CACNA1B: variants seen among roughly 807,000 people sequenced by gnomAD.
CACNA1B encodes the protein calcium voltage-gated channel subunit alpha1 B, also known as voltage-dependent N-type calcium channel subunit alpha-1B.
A neutral mutation model predicts 247.2 loss-of-function variants in CACNA1B; 70 were observed. The observed-to-expected ratio is 0.28, with a 90% CI of 0.23 to 0.35. The LOEUF (loss-of-function observed/expected upper bound fraction) is 0.35. CACNA1B is among the 10% of genes least tolerant of loss of function. CACNA1B has a pLI of 1.00. For synonymous variants in CACNA1B, 1,231 were observed against 1,294.4 expected (o/e 0.95, Z 1.05); for missense variants, 2,367 against 3,197.4 (o/e 0.74, Z 6.26).
intron 31 of CACNA1B, among the ~76,000 whole-genome samples, chr9:138,060,742 G>C (rs1391992324): frequency 3.3e-5 from 5 of 152,188 alleles, no homozygotes; most frequent in African/African-American, 1.2e-4. Context: ...TTCCTGTTCT[G>C]CCCACACTTC....
chr9:137,904,352 CTTTTTT>C (rs11351694), intron 3 of CACNA1B, among the ~76,000 whole-genome samples: 1 of 80,420 alleles, frequency 1.2e-5, no homozygotes, highest in Non-Finnish European at 2.2e-5. Flanking sequence ...CTCTCTCTCT[CTTTTTT>C]TTTTTTTTTT....
rs908328004 is a variant in CACNA1B, at chr9:138,115,735, G to A, written c.5777+56G>A. 3 of 1,529,608 alleles carry A rather than the reference G, an allele frequency of 2.0e-6. No individual in the cohort carries two copies. In the African/African-American group the frequency reaches 4.1e-5, roughly 21 times the overall value. The allele number at this position is 1,529,608 out of a possible 1,614,324, so 94.8% of individuals were successfully genotyped here. On this transcript the variant is annotated intron_variant, in intron 42 of 46. Transcript: ENST00000371372. ...CAGGAGGAGGTCCAAAGACAGTAAA[G>A]GGGGAAGCAGACATCCCATTTCCTC...
chr9:138,088,693 G>A (rs11137365), intron 36 of CACNA1B, among the ~76,000 whole-genome samples: 83,640 of 151,540 alleles, frequency 0.55, 27,239 homozygotes, highest in Non-Finnish European at 0.71. Flanking sequence ...GGTGGCTTAC[G>A]TTTGTAATCC....
rs1258396885 is a variant in CACNA1B, at chr9:138,123,701, C to T, written c.*1702C>T. The T allele has an allele frequency of 1.3e-5, 2 of 152,048 alleles. No homozygotes were observed. Among genetic ancestry groups the T allele is most frequent in the African/African-American group, 2.4e-5 (1 of 41,390 alleles). The allele number at this position is 152,048 out of a possible 1,614,324, so 9.4% of individuals were successfully genotyped here. ...TTTAATAGAAGTAAAACACACAAGA[C>T]CGCTGCCTGGTCTCGGGGTTCAGCA... is the stretch of plus-strand genomic sequence containing the variant. On this transcript the variant is annotated 3_prime_UTR_variant, in exon 47 of 47. Coordinates refer to ENST00000371372, the MANE Select transcript of CACNA1B (RefSeq NM_000718.4).
intron 44 of CACNA1B, among the ~76,000 whole-genome samples, chr9:138,119,937 C>G (rs75368899): frequency 6.6e-6 from 1 of 152,190 alleles, no homozygotes. Context: ...AGCCAGCCAC[C>G]TCTCTCTTCC....
intron 5 of CACNA1B, among the ~76,000 whole-genome samples, chr9:137,915,631 A>T (rs1386566749): frequency 6.6e-6 from 1 of 152,160 alleles, no homozygotes; most frequent in Non-Finnish European, 1.5e-5. Flanking sequence ...TTTAAAAAAA[A>T]AACAAAAACC....
At chr9:138,076,933 A>G (rs960906168) in intron 35 of CACNA1B, among the ~76,000 whole-genome samples, 5 of 152,210 alleles carry the variant, frequency 3.3e-5, no homozygotes, top group African/African-American at 1.2e-4. Context: ...TTAGGCTGAC[A>G]CTGTCCCCAG....
At chr9:137,985,358 T>G (rs892751208) in intron 13 of CACNA1B, among the ~76,000 whole-genome samples, 1 of 152,216 alleles carries the variant, frequency 6.6e-6, no homozygotes, top group Non-Finnish European at 1.5e-5. Context: ...CAGAACTTGC[T>G]GGTGTGAGGC....
chr9:138,009,327 C>T (rs542655336), intron 16 of CACNA1B, among the ~76,000 whole-genome samples: 7 of 152,330 alleles, frequency 4.6e-5, no homozygotes, highest in Non-Finnish European at 7.4e-5. Context: ...TGCCATCTGC[C>T]GTCTCCACGG....
chr9:137,963,693 C>T (rs373466098), intron 10 of CACNA1B, among the ~76,000 whole-genome samples: 2 of 152,082 alleles, frequency 1.3e-5, no homozygotes, highest in East Asian at 1.9e-4. Context: ...CACCATGGCC[C>T]GCCTAAAGTT....
Position 138,057,234 on chromosome 9 carries a change from G to T in CACNA1B, c.3969-498G>T, listed in dbSNP as rs559068126. Reference sequence around the variant, plus strand: ...TTACAGGCGTGAGCCACCGCGCCCGGCCTTTTTTATTTATTAGAATAGTTA... The same window carrying T: ...TTACAGGCGTGAGCCACCGCGCCCGTCCTTTTTTATTTATTAGAATAGTTA... On this transcript the variant is annotated intron_variant, in intron 26 of 46. Coordinates refer to ENST00000371372, the MANE Select transcript of CACNA1B (RefSeq NM_000718.4). This position sits in a 1 kb window ranked among gnomAD's most constrained non-coding sequence, Gnocchi z 4.0. Among the ~76,000 whole-genome samples the T allele has an allele frequency of 7.2e-5, 11 of 152,278 alleles. No individual in the cohort carries two copies. In the East Asian group the frequency reaches 2.1e-3, roughly 29 times the overall value.
chr9:138,078,445 C>T (rs1365814190), intron 36 of CACNA1B, among the ~76,000 whole-genome samples, 187 bp downstream of exon 36: 1 of 152,192 alleles, frequency 6.6e-6, no homozygotes, highest in Non-Finnish European at 1.5e-5. Context: ...GACATGGTAA[C>T]GGGCTCCTGT....
chr9:138,012,981 A>T lies in CACNA1B; in HGVS notation c.2161-148A>T. 1 of 584,074 alleles carries T rather than the reference A, an allele frequency of 1.7e-6. No homozygotes were observed. The highest frequency in any genetic ancestry group is 3.0e-6 in the Non-Finnish European group (1 of 333,720). The allele number at this position is 584,074 out of a possible 1,614,324, so 36.2% of individuals were successfully genotyped here. On this transcript the variant is annotated intron_variant, in intron 17 of 46. Transcript: ENST00000371372. The surrounding 1 kb of genome is among the most constrained non-coding windows in gnomAD (Gnocchi z 4.2). Reference sequence around the variant, plus strand: ...AGGTCGTGGGGGGCCACATTCACTCAGGGGTTGGCTGCCTGTCTCCACTGG... The same window carrying T: ...AGGTCGTGGGGGGCCACATTCACTCTGGGGTTGGCTGCCTGTCTCCACTGG...
chr9:138,117,780 C>G (rs369253368), intron 42 of CACNA1B, among the ~76,000 whole-genome samples, 166 bp from the exon 43 acceptor site: 203 of 152,248 alleles, frequency 1.3e-3, no homozygotes, highest in African/African-American at 4.7e-3. Context: ...CACGTTGGGG[C>G]TCTTGTGCCC....
intron 6 of CACNA1B, among the ~76,000 whole-genome samples, chr9:137,918,913 C>T (rs768523241): frequency 1.3e-5 from 2 of 152,154 alleles, no homozygotes; most frequent in African/African-American, 2.4e-5. Context: ...AGGACAAAGC[C>T]GGTGATGAGG....
intron 44 of CACNA1B, 30 bp downstream of exon 44, chr9:138,118,798 G>A (rs1961969717): frequency 1.9e-6 from 2 of 1,051,230 alleles, no homozygotes; most frequent in African/African-American, 1.6e-5. Context: ...CCAGGCCCTG[G>A]GCTGGGCAAG....
At chr9:138,046,763 A>G (rs887580360) in intron 21 of CACNA1B, 141 bp from the exon 22 acceptor site, 11 of 751,286 alleles carry the variant, frequency 1.5e-5, no homozygotes, top group Non-Finnish European at 2.3e-5. Flanking sequence ...CACAGGGACC[A>G]TTAGCAAAGC....
At chr9:138,120,524 C>A in intron 45 of CACNA1B, 107 bp from the exon 46 acceptor site, 1 of 1,392,414 alleles carries the variant, frequency 7.2e-7, no homozygotes. Context: ...CCCTAACCCT[C>A]ACCCTAGCCT....
chr9:137,909,003 T>C (rs181007788), intron 3 of CACNA1B, among the ~76,000 whole-genome samples: 121 of 151,604 alleles, frequency 8.0e-4, no homozygotes, highest in African/African-American at 2.7e-3. Flanking sequence ...TTTTTTTTTT[T>C]TTTTGAGACA....
Sources: allele counts gnomAD v4.1 joint callset (sites outside exome capture counted in the v4.1 genomes callset), GRCh38; gene constraint gnomAD v4.1.1; non-coding constraint Gnocchi (gnomAD v3.1); transcripts MANE v1.5; gene names NCBI Gene and HGNC (gene_info 2026-07-23, HGNC 2026-07-21).